INSIG1: variants seen among roughly 807,000 people sequenced by gnomAD.
INSIG1 encodes insulin-induced gene 1 protein.
In INSIG1, 14 loss-of-function variants were observed where a neutral mutation model predicts 26.5. The observed-to-expected ratio is 0.53, with a 90% CI of 0.35 to 0.83. The LOEUF (loss-of-function observed/expected upper bound fraction) is 0.83. INSIG1 is among the 40% of genes least tolerant of loss of function. INSIG1 has a pLI of 0.01. For missense variants in INSIG1, 272 were observed against 368.9 expected (o/e 0.74, Z 2.15); for synonymous variants, 147 against 153.3 (o/e 0.96, Z 0.30).
intron 5 of INSIG1, among the ~76,000 whole-genome samples, chr7:155,306,502 G>C (rs558027863): frequency 2.6e-5 from 4 of 152,330 alleles, no homozygotes; most frequent in Non-Finnish European, 4.4e-5. Context: ...CTTGGGATTT[G>C]ATTTGCCGTT....
chr7:155,308,268 T>C lies in INSIG1; in HGVS notation c.832T>C (p.Ter278ArgextTer22). 6.2e-7 allele frequency: 1 copy of C among 1,611,052 alleles called. No individual in the cohort carries two copies. ...MGVPEKPHSD[*>R] Reference sequence around the variant, plus strand: ...TGTTCCTGAAAAGCCCCATAGTGATTGAGTCTTCAAAACCACCGATTCTGA... The same window carrying C: ...TGTTCCTGAAAAGCCCCATAGTGATCGAGTCTTCAAAACCACCGATTCTGA... Residue 278 changes from the stop codon to arginine (R), a stop_lost, in exon 6 of 6, where the codon TGA (stop) becomes CGA (arginine). Transcript: ENST00000340368.
At position 155,302,571 on chromosome 7, in the gene INSIG1, CTT is replaced by C. The variant is rs1164043331; in HGVS notation, c.704+155_704+156del. 1.0e-6 allele frequency: 1 copy of C among 985,216 alleles called. No individual in the cohort carries two copies. The highest frequency in any genetic ancestry group is 1.5e-6 in the Non-Finnish European group (1 of 679,340). 61.0% of individuals were successfully genotyped at this position (985,216 alleles called of 1,614,324 possible). A position where few individuals can be genotyped will look rare whatever the true frequency, so the allele number is the denominator to read the frequency against. ...TTCTCAAAAATGCTGCTATCCATAA[CTT>C]AATGTAACGCAAAGGAAAACCAAGT... On this transcript the variant is annotated intron_variant, in intron 4 of 5. Transcript: ENST00000340368. The surrounding 1 kb of genome is among the most constrained non-coding windows in gnomAD (Gnocchi z 4.3).
chr7:155,298,101 G>C (rs963901208), intron 1 of INSIG1, 142 bp downstream of exon 1: 21 of 500,696 alleles, frequency 4.2e-5, no homozygotes, highest in African/African-American at 6.1e-5. Flanking sequence ...CTCGCTGTGA[G>C]CGCGGGTCCC....
chr7:155,304,083 C>T (rs9768538), intron 5 of INSIG1, among the ~76,000 whole-genome samples: 3,079 of 151,550 alleles, frequency 0.02, 107 homozygotes, highest in African/African-American at 0.071. Context: ...CCCGCTTCAG[C>T]GTCCCGAGTA....
chr7:155,303,738 A>T, intron 5 of INSIG1: 2 of 598,466 alleles, frequency 3.3e-6, no homozygotes, highest in Non-Finnish European at 5.3e-6. Context: ...ACAAAAACCT[A>T]GAGCTGTTGC....
intron 2 of INSIG1, 106 bp downstream of exon 2, chr7:155,298,803 G>C (rs1171370667): frequency 1.1e-5 from 12 of 1,092,928 alleles, no homozygotes; most frequent in Non-Finnish European, 1.4e-5. Flanking sequence ...ACTATCCACA[G>C]ATTGAAAGTG....
At chr7:155,305,203 G>A (rs1315146110) in intron 5 of INSIG1, among the ~76,000 whole-genome samples, 1 of 150,726 alleles carries the variant, frequency 6.6e-6, no homozygotes. Context: ...CTTCCCTGCT[G>A]GGCTATCACA....
chr7:155,304,833 G>A (rs913096434), intron 5 of INSIG1, among the ~76,000 whole-genome samples: 7 of 152,002 alleles, frequency 4.6e-5, no homozygotes, highest in Admixed American at 4.6e-4. Flanking sequence ...GGATGTTCTC[G>A]TATCTTAAAA....
Position 155,302,632 on chromosome 7 carries a change from C to T in INSIG1, c.705-115C>T, listed in dbSNP as rs370285334. ...TTACAACCAAACAAATATGAACATTCGTAACATTGGATGGTTGATATGCGT... is the reference window on the plus strand; with the variant it reads ...TTACAACCAAACAAATATGAACATTTGTAACATTGGATGGTTGATATGCGT... On this transcript the variant is annotated intron_variant, in intron 4 of 5. Transcript: ENST00000340368. The surrounding 1 kb of genome is among the most constrained non-coding windows in gnomAD (Gnocchi z 4.3). 5.3e-5 allele frequency: 48 copies of T among 900,094 alleles called. 1 individual carries two copies. In the South Asian group the frequency reaches 6.7e-4, roughly 13 times the overall value. 55.8% of individuals were successfully genotyped at this position (900,094 alleles called of 1,614,324 possible). A position where few individuals can be genotyped will look rare whatever the true frequency, so the allele number is the denominator to read the frequency against.
intron 2 of INSIG1, among the ~76,000 whole-genome samples, chr7:155,299,792 G>T (rs1187627898): frequency 6.6e-6 from 1 of 152,216 alleles, no homozygotes; most frequent in Non-Finnish European, 1.5e-5. Flanking sequence ...TGAATCACAG[G>T]TGAAGTCACA....
chr7:155,308,161 C>A (rs763681455), intron 5 of INSIG1, 80 bp from the exon 6 acceptor site: 3 of 724,492 alleles, frequency 4.1e-6, no homozygotes, highest in Non-Finnish European at 7.1e-6. Context: ...CATGTTAGGA[C>A]CTACTTAATT....
In INSIG1 at chr7:155,298,446, C is replaced by T. The variant is rs1415715026; in HGVS notation, c.161C>T (p.Pro54Leu). The T allele has an allele frequency of 6.4e-7, 1 of 1,554,944 alleles. No individual in the cohort carries two copies. The highest frequency in any genetic ancestry group is 1.4e-5 in the African/African-American group (1 of 73,548). ...TCCCTGCTGGCGGCCCACGGTGCCC[C>T]GGACGCTGACCCCGCGCCCAGGGGC... is the stretch of plus-strand genomic sequence containing the variant. Reference protein sequence around the residue: ...GPSLLAAHGAPDADPAPRGRS... With the variant: ...GPSLLAAHGALDADPAPRGRS... The change falls in exon 2 of 6, where the codon CCG (proline) becomes CTG (leucine). Residue 54 changes from proline (P) to leucine (L), a missense_variant. Pro to Leu is a moderately conservative substitution (Grantham distance 98). Around this residue, in one of 2 missense-constraint regions of INSIG1, gnomAD observed 161 missense variants for 179.2 expected, o/e 0.90. Transcript: ENST00000340368.
chr7:155,299,483 A>G (rs1585201023), intron 2 of INSIG1, among the ~76,000 whole-genome samples: 1 of 152,210 alleles, frequency 6.6e-6, no homozygotes, highest in East Asian at 1.9e-4. Flanking sequence ...CTGCTCCTGT[A>G]GTCACACAGC....
rs1456872000 is a variant in INSIG1 at position 155,298,608 on chromosome 7, A to G, written c.323A>G (p.Gln108Arg). ...LALVLNLLQI[Q>R]RNVTLFPEEV... ...CTGGTGCTCAACCTGCTGCAGATCC[A>G]GAGGAATGTCACTCTCTTCCCCGAG... Residue 108 changes from glutamine (Q) to arginine (R), a missense_variant, in exon 2 of 6, where the codon CAG becomes CGG. This residue lies in a region of INSIG1 where 161 missense variants were observed against 179.2 expected (regional missense o/e 0.90). Transcript: ENST00000340368. 1 of 1,613,492 alleles carries G rather than the reference A, an allele frequency of 6.2e-7. No homozygotes were observed. The highest frequency in any genetic ancestry group is 1.7e-5 in the Admixed American group (1 of 59,982).
At chr7:155,301,960 T>A (rs1465974208) in intron 3 of INSIG1, among the ~76,000 whole-genome samples, 1 of 144,540 alleles carries the variant, frequency 6.9e-6, no homozygotes, top group Non-Finnish European at 1.5e-5. Flanking sequence ...ATATATATAA[T>A]AAATATATAT....
In INSIG1 at chr7:155,309,884, G is replaced by A. The variant is rs1370207711; in HGVS notation, c.*1614G>A. The A allele has an allele frequency of 2.0e-5, 3 of 152,740 alleles. No homozygotes were observed. Among genetic ancestry groups the A allele is most frequent in the East Asian group, 3.9e-4 (2 of 5,192 alleles). 9.5% of individuals were successfully genotyped at this position (152,740 alleles called of 1,614,324 possible). ...CATGAAAAAAATTTCCAATGAAGAT[G>A]TCAGCATTTTATGAAAAACCAGAAG... On this transcript the variant is annotated 3_prime_UTR_variant, in exon 6 of 6. Transcript: ENST00000340368.
In INSIG1 at chr7:155,303,936, G is replaced by C. The variant is rs187142732; in HGVS notation, c.804+1090G>C. The stretch of plus-strand genomic sequence containing the variant: ...TTCCACTGGTTACTGACTCTCTGCT[G>C]CCAAATTTCTCATGATGGAGAAGAA... On this transcript the variant is annotated intron_variant, in intron 5 of 5. Coordinates refer to ENST00000340368, the MANE Select transcript of INSIG1 (RefSeq NM_005542.6). The C allele has an allele frequency of 1.1e-4, 116 of 1,095,466 alleles. No homozygotes were observed. In the African/African-American group the frequency reaches 1.6e-3, roughly 15 times the overall value. The allele number at this position is 1,095,466 out of a possible 1,614,324, so 67.9% of individuals were successfully genotyped here. A position where few individuals can be genotyped will look rare whatever the true frequency, so the allele number is the denominator to read the frequency against.
At chr7:155,301,487 A>G in intron 2 of INSIG1, 79 bp from the exon 3 acceptor site, 2 of 1,308,878 alleles carry the variant, frequency 1.5e-6, no homozygotes, top group South Asian at 3.3e-5. Context: ...TGAGTAATGT[A>G]CTGTGTTACT....
chr7:155,303,490 C>T (rs1012808472), intron 5 of INSIG1, among the ~76,000 whole-genome samples: 3 of 152,220 alleles, frequency 2.0e-5, no homozygotes, highest in Non-Finnish European at 4.4e-5. Flanking sequence ...ACGGACTGTC[C>T]TGCCTGAACA....
Sources: allele counts gnomAD v4.1 joint callset (sites outside exome capture counted in the v4.1 genomes callset), GRCh38; gene constraint gnomAD v4.1.1; regional missense constraint gnomAD v4.1.1; non-coding constraint Gnocchi (gnomAD v3.1); transcripts MANE v1.5; gene names NCBI Gene and HGNC (gene_info 2026-07-23, HGNC 2026-07-21).